IBSP: variants seen among roughly 807,000 people sequenced by gnomAD.
IBSP encodes integrin binding sialoprotein.
A neutral mutation model predicts 25.5 loss-of-function variants in IBSP; 19 were observed. That is an observed-to-expected ratio of 0.74 (90% CI 0.52 to 1.09). The LOEUF is 1.09. Ranked by LOEUF, IBSP falls within the 50% of genes least tolerant of loss-of-function variation. IBSP has a pLI of 0.00. For synonymous variants in IBSP, 144 were observed against 137.6 expected (o/e 1.05, Z -0.33); for missense variants, 360 against 382.3 (o/e 0.94, Z 0.49).
At chr4:87,804,307 G>A (rs898186964) in intron 4 of IBSP, among the ~76,000 whole-genome samples, 3 of 151,984 alleles carry the variant, frequency 2.0e-5, no homozygotes, top group Non-Finnish European at 2.9e-5. Flanking sequence ...ATCTGTATTG[G>A]CTTTGAAATT....
At chr4:87,799,716 A>G (rs1297126961) in intron 1 of IBSP, 83 bp downstream of exon 1, 1 of 152,196 alleles carries the variant, frequency 6.6e-6, no homozygotes, top group African/African-American at 2.4e-5. Context: ...TGAATTTTTC[A>G]TTTAAATGAT....
intron 5 of IBSP, among the ~76,000 whole-genome samples, chr4:87,807,811 C>G (rs1318668762): frequency 6.6e-6 from 1 of 152,186 alleles, no homozygotes; most frequent in Non-Finnish European, 1.5e-5. Context: ...GTTAAAATCC[C>G]TGCTTTGGGG....
chr4:87,811,821 A>C lies in IBSP; in HGVS notation c.865A>C (p.Asn289His). 2 of 1,610,370 alleles carry C rather than the reference A, an allele frequency of 1.2e-6. No individual in the cohort carries two copies. The highest frequency in any genetic ancestry group is 1.3e-5 in the African/African-American group (1 of 74,942). ...ESENGEPRGD[N>H]YRAYEDEYSY... is the part of the protein sequence containing the mutation. ...TGAGAACGGGGAACCTCGTGGGGAC[A>C]ATTACCGAGCCTATGAAGATGAGTA... The change falls in exon 7 of 7, where the codon AAT (asparagine) becomes CAT (histidine). Residue 289 changes from asparagine (N) to histidine (H), a missense_variant. Physicochemically the swap from Asn to His is moderately conservative, Grantham distance 68. Transcript: ENST00000226284.
chr4:87,802,677 T>G lies in IBSP; in HGVS notation c.129T>G (p.Tyr43Ter). The G allele has an allele frequency of 6.4e-7, 1 of 1,572,536 alleles. No homozygotes were observed. Among genetic ancestry groups the G allele is most frequent in the Non-Finnish European group, 8.6e-7 (1 of 1,167,996 alleles). The change falls in exon 4 of 7, where the codon TAT (tyrosine) becomes TAG (stop). Residue 43 changes from tyrosine to a stop codon, truncating the protein, a stop_gained. Transcript: ENST00000226284. LOFTEE classifies it high-confidence loss of function. Reference protein sequence around the residue: ...ENGVFKYRPRYYLYKHAYFYP... With the variant: ...ENGVFKYRPR Reference sequence around the variant, plus strand: ...AGGTCTTTAAGTACAGGCCACGATATTATCTTTACAAGCATGCCTACTTTT... The same window carrying G: ...AGGTCTTTAAGTACAGGCCACGATAGTATCTTTACAAGCATGCCTACTTTT...
intron 1 of IBSP, among the ~76,000 whole-genome samples, chr4:87,800,153 A>G (rs1226123841): frequency 6.6e-6 from 1 of 152,198 alleles, no homozygotes. Flanking sequence ...ACCCTTCCCA[A>G]TAAAACTTGA....
intron 2 of IBSP, 46 bp from the exon 3 acceptor site, chr4:87,802,462 T>A (rs746686240): frequency 5.2e-5 from 83 of 1,591,928 alleles, no homozygotes; most frequent in Non-Finnish European, 8.6e-7. Flanking sequence ...TTTGTCTTTT[T>A]ATGTAAAAGA....
chr4:87,811,190 A>G (rs1722165286), intron 6 of IBSP, among the ~76,000 whole-genome samples, 172 bp from the exon 7 acceptor site: 1 of 152,212 alleles, frequency 6.6e-6, no homozygotes, highest in Non-Finnish European at 1.5e-5. Context: ...CCCATGACAA[A>G]GGGGTTTATC....
intron 5 of IBSP, among the ~76,000 whole-genome samples, chr4:87,807,106 A>G (rs1722100282): frequency 6.6e-6 from 1 of 152,202 alleles, no homozygotes; most frequent in Non-Finnish European, 1.5e-5. Context: ...TTTACAGATT[A>G]GTGTAGTCCT....
Position 87,811,452 on chromosome 4 carries a change from G to A in IBSP, c.496G>A (p.Glu166Lys), listed in dbSNP as rs913138212. The A allele has an allele frequency of 6.8e-6, 11 of 1,613,674 alleles. No individual in the cohort carries two copies. The highest frequency in any genetic ancestry group is 6.7e-5 in the African/African-American group (5 of 74,884). The change falls in exon 7 of 7, where the codon GAA becomes AAA. Residue 166 changes from glutamate (E) to lysine (K), a missense_variant. Physicochemically the swap from Glu to Lys is moderately conservative, Grantham distance 56. Transcript: ENST00000226284. Reference protein sequence around the residue: ...EEEGNENEESEAEVDENEQGI... With the variant: ...EEEGNENEESKAEVDENEQGI... ...GGAAGGAAATGAAAACGAAGAAAGC[G>A]AAGCAGAAGTGGATGAAAACGAACA...
intron 5 of IBSP, among the ~76,000 whole-genome samples, chr4:87,809,126 G>A (rs76591090): frequency 0.022 from 3,390 of 152,234 alleles, 99 homozygotes; most frequent in East Asian, 0.17. Context: ...TTTCAGTCTT[G>A]TTAGCCAATC....
chr4:87,809,642 T>A (rs759579769), intron 5 of IBSP, among the ~76,000 whole-genome samples: 5 of 152,248 alleles, frequency 3.3e-5, no homozygotes, highest in African/African-American at 4.8e-5. Flanking sequence ...GAAACAAACA[T>A]GTGGTGCTTT....
At position 87,811,471 on chromosome 4, in the gene IBSP, A is replaced by C; in HGVS notation, c.515A>C (p.Asn172Thr). The change falls in exon 7 of 7, where the codon AAC (asparagine) becomes ACC (threonine). Residue 172 changes from asparagine to threonine, a missense_variant. Coordinates refer to ENST00000226284, the MANE Select transcript of IBSP (RefSeq NM_004967.4). Reference sequence around the variant, plus strand: ...GAAAGCGAAGCAGAAGTGGATGAAAACGAACAAGGCATAAACGGCACCAGT... The same window carrying C: ...GAAAGCGAAGCAGAAGTGGATGAAACCGAACAAGGCATAAACGGCACCAGT... Reference protein sequence around the residue: ...NEESEAEVDENEQGINGTSTN... With the variant: ...NEESEAEVDETEQGINGTSTN... 1 of 1,614,042 alleles carries C rather than the reference A, an allele frequency of 6.2e-7. No homozygotes were observed. Among genetic ancestry groups the C allele is most frequent in the South Asian group, 1.1e-5 (1 of 91,064 alleles).
chr4:87,806,961 T>C (rs1360010438), intron 5 of IBSP, among the ~76,000 whole-genome samples: 1 of 151,798 alleles, frequency 6.6e-6, no homozygotes. Context: ...GCCAAGATCC[T>C]GTCACTGCAC....
chr4:87,811,300 A>C (rs1722166475), intron 6 of IBSP, 62 bp from the exon 7 acceptor site: 1 of 1,529,538 alleles, frequency 6.5e-7, no homozygotes, highest in Admixed American at 2.1e-5. Flanking sequence ...GCATGAAATG[A>C]CGGCCTTAAA....
intron 1 of IBSP, among the ~76,000 whole-genome samples, chr4:87,801,184 T>A (rs1405045446): frequency 6.6e-6 from 1 of 152,136 alleles, no homozygotes; most frequent in Non-Finnish European, 1.5e-5. Flanking sequence ...GAGCTGCATC[T>A]TCGATTGTTC....
rs1560526925 is a variant in IBSP at position 87,806,148 on chromosome 4, T to C, written c.210T>C (p.Asn70=). ...GCAGTAGTGACTCATCCGAAGAAAA[T>C]GGAGATGACAGTTCAGAAGAGGAGG... The part of the protein sequence containing the change: ...VQGSSDSSEE[N]GDDSSEEEEE... Residue 70 remains asparagine, a synonymous_variant, in exon 5 of 7, where the codon AAT becomes AAC. Transcript: ENST00000226284. 1.2e-6 allele frequency: 2 copies of C among 1,611,644 alleles called. No individual in the cohort carries two copies. The highest frequency in any genetic ancestry group is 2.2e-5 in the East Asian group (1 of 44,664).
chr4:87,800,749 G>A (rs1478978472), intron 1 of IBSP, among the ~76,000 whole-genome samples: 1 of 152,284 alleles, frequency 6.6e-6, no homozygotes, highest in Non-Finnish European at 1.5e-5. Flanking sequence ...CTTAGTGTCA[G>A]ATACTCAGTA....
chr4:87,810,099 C>G (rs1722149928), intron 5 of IBSP, among the ~76,000 whole-genome samples: 1 of 152,130 alleles, frequency 6.6e-6, no homozygotes. Flanking sequence ...TGGCATGTGC[C>G]TGTAGTCTCA....
chr4:87,811,389 A>G lies in IBSP; in HGVS notation c.433A>G (p.Lys145Glu). ...KAGDITNKATKEKESDEEEEE... is the reference protein window; with the variant it reads ...KAGDITNKATEEKESDEEEEE... ...TGGGGATATAACAAATAAAGCTACA[A>G]AAGAGAAGGAAAGTGATGAAGAAGA... The change falls in exon 7 of 7, where the codon AAA becomes GAA. Residue 145 changes from lysine to glutamate, a missense_variant. Lys to Glu is a moderately conservative substitution (Grantham distance 56). Transcript: ENST00000226284. 1 of 1,611,922 alleles carries G rather than the reference A, an allele frequency of 6.2e-7. No homozygotes were observed. The highest frequency in any genetic ancestry group is 8.5e-7 in the Non-Finnish European group (1 of 1,179,348).
Sources: allele counts gnomAD v4.1 joint callset (sites outside exome capture counted in the v4.1 genomes callset), GRCh38; gene constraint gnomAD v4.1.1; transcripts MANE v1.5; gene names NCBI Gene and HGNC (gene_info 2026-07-23, HGNC 2026-07-21).